Variants in NYAP2 observed in about 807,000 individuals in gnomAD.
NYAP2 encodes the protein neuronal tyrosine-phosphorylated phosphoinositide-3-kinase adaptor 2.
Under a neutral mutation model 50.4 loss-of-function variants are expected in NYAP2, and 23 were observed. That is an observed-to-expected ratio of 0.46 (90% CI 0.33 to 0.65). The LOEUF (loss-of-function observed/expected upper bound fraction) is 0.65. NYAP2 is among the 30% of genes least tolerant of loss of function. The probability of loss-of-function intolerance (pLI) is 0.02; values close to 1 mark genes in which losing one functional copy is unlikely to be tolerated. For synonymous variants in NYAP2, 394 were observed against 365.2 expected, an observed-to-expected ratio of 1.08 and a Z score of -0.90; for missense variants, 885 against 861.0, an observed-to-expected ratio of 1.03 and a Z score of -0.35.
At chr2:225,694,293 T>G in the NYAP2 span, among the ~76,000 whole-genome samples, 1,094 of 152,004 alleles carry the variant, frequency 7.2e-3, 14 homozygotes, top group African/African-American at 0.025. Context: ...GAATGGGATT[T>G]TACACATCTT....
chr2:225,484,622 T>A (rs1386967265), intron 3 of NYAP2, among the ~76,000 whole-genome samples: 2 of 152,220 alleles, frequency 1.3e-5, no homozygotes. Context: ...TGATGAGACA[T>A]CTTTTACTCT....
chr2:225,434,363 T>C (rs1163563598), intron 3 of NYAP2, among the ~76,000 whole-genome samples: 1 of 152,188 alleles, frequency 6.6e-6, no homozygotes, highest in Admixed American at 6.5e-5. Context: ...ATTTCTTTCA[T>C]AAAATTCTAG....
In NYAP2 at chr2:225,575,152, G is replaced by T. The variant is rs78951623; in HGVS notation, c.524-6789G>T. On this transcript the variant is annotated intron_variant, in intron 4 of 6. Transcript: ENST00000636099. ...GTACATTTCGTATATTCTGCATTACGACAGGCAACATCTTGCCAATTTTTC... is the reference window on the plus strand; with the variant it reads ...GTACATTTCGTATATTCTGCATTACTACAGGCAACATCTTGCCAATTTTTC... 7.3e-3 allele frequency among the ~76,000 whole-genome samples: 1,105 copies of T among 152,054 alleles called. 6 individuals carry two copies. The highest frequency in any genetic ancestry group is 0.012 in the Non-Finnish European group (791 of 68,006).
intron 5 of NYAP2, among the ~76,000 whole-genome samples, chr2:225,600,558 A>C (rs941209477): frequency 2.9e-4 from 44 of 152,190 alleles, no homozygotes; most frequent in Non-Finnish European, 5.9e-4. Flanking sequence ...CTCAGGAATG[A>C]ATAAGGACAG....
chr2:225,629,498 G>A (rs1376488345), intron 6 of NYAP2, among the ~76,000 whole-genome samples: 2 of 152,138 alleles, frequency 1.3e-5, no homozygotes, highest in Non-Finnish European at 2.9e-5. Flanking sequence ...GAATACTATG[G>A]GAAACAGAAG....
chr2:225,632,174 G>A (rs755026834), intron 6 of NYAP2, among the ~76,000 whole-genome samples: 11 of 152,166 alleles, frequency 7.2e-5, no homozygotes, highest in Non-Finnish European at 1.5e-4. Flanking sequence ...TCCAAAATAA[G>A]CAAGTAGGTA....
chr2:225,543,854 T>G (rs1260382724), intron 4 of NYAP2, among the ~76,000 whole-genome samples: 1 of 152,100 alleles, frequency 6.6e-6, no homozygotes, highest in East Asian at 1.9e-4. Flanking sequence ...GAATGTTGTG[T>G]GTTGAATTCT....
At chr2:225,525,033 T>C (rs549205820) in intron 4 of NYAP2, among the ~76,000 whole-genome samples, 84 of 152,224 alleles carry the variant, frequency 5.5e-4, no homozygotes, top group Middle Eastern at 3.4e-3. Context: ...AACCACAGTA[T>C]GATGTCATCT....
intron 4 of NYAP2, among the ~76,000 whole-genome samples, chr2:225,573,716 T>C (rs1202578881): frequency 6.6e-6 from 1 of 152,174 alleles, no homozygotes; most frequent in Non-Finnish European, 1.5e-5. Context: ...GAGCAATCTT[T>C]CTCCTCTGTG....
chr2:225,654,594 G>A (rs937576228), downstream of NYAP2, among the ~76,000 whole-genome samples: 1 of 152,090 alleles, frequency 6.6e-6, no homozygotes, highest in South Asian at 2.1e-4. Context: ...TGAGGCAGGA[G>A]GATCGCTTAA....
At chr2:225,532,865 C>T (rs1203300620) in intron 4 of NYAP2, among the ~76,000 whole-genome samples, 5 of 147,228 alleles carry the variant, frequency 3.4e-5, no homozygotes, top group African/African-American at 1.4e-4. Flanking sequence ...TCAGTGTTTG[C>T]AGTGATGCCC....
chr2:225,599,797 G>A (rs1692665336), intron 5 of NYAP2, among the ~76,000 whole-genome samples: 1 of 152,200 alleles, frequency 6.6e-6, no homozygotes, highest in Non-Finnish European at 1.5e-5. Flanking sequence ...TAAGATCTGT[G>A]TTACTGCTTC....
At chr2:225,599,384 T>C (rs567524772) in intron 5 of NYAP2, among the ~76,000 whole-genome samples, 1 of 152,298 alleles carries the variant, frequency 6.6e-6, no homozygotes, top group African/African-American at 2.4e-5. Context: ...GAACATATGT[T>C]GTATGGCAAA....
At chr2:225,537,020 C>T (rs1399696565) in intron 4 of NYAP2, among the ~76,000 whole-genome samples, 1 of 151,976 alleles carries the variant, frequency 6.6e-6, no homozygotes, top group African/African-American at 2.4e-5. Flanking sequence ...CCTTGTGATC[C>T]GCTCGCCTCG....
intron 5 of NYAP2, among the ~76,000 whole-genome samples, chr2:225,587,618 T>C (rs970884133): frequency 6.6e-6 from 1 of 152,126 alleles, no homozygotes; most frequent in Non-Finnish European, 1.5e-5. Context: ...GTAGCTCAAC[T>C]CCTAAATACC....
chr2:225,416,853 A>G (rs569272473), intron 3 of NYAP2, among the ~76,000 whole-genome samples: 15 of 152,206 alleles, frequency 9.9e-5, no homozygotes, highest in Non-Finnish European at 1.6e-4. Flanking sequence ...TGAGCTACTC[A>G]GTCAGCATGA....
At chr2:225,468,073 A>C (rs574708217) in intron 3 of NYAP2, among the ~76,000 whole-genome samples, 1 of 152,300 alleles carries the variant, frequency 6.6e-6, no homozygotes, top group South Asian at 2.1e-4. Context: ...ACTTTTAGGG[A>C]AATGTTTGGA....
At chr2:225,530,362 C>CA (rs1380518581) in intron 4 of NYAP2, among the ~76,000 whole-genome samples, 1 of 152,108 alleles carries the variant, frequency 6.6e-6, no homozygotes, top group Non-Finnish European at 1.5e-5. Context: ...CACCCTCATC[C>CA]AAAATCCACT....
At chr2:225,423,984 T>G (rs1368738159) in intron 3 of NYAP2, among the ~76,000 whole-genome samples, 1 of 152,164 alleles carries the variant, frequency 6.6e-6, no homozygotes, top group Non-Finnish European at 1.5e-5. Context: ...GCAGAGATAC[T>G]TTATTTCTCA....
Sources: gnomAD v4.1 joint callset for allele counts (sites outside exome capture counted in the v4.1 genomes callset) on GRCh38, gnomAD v4.1.1 for gene constraint, MANE v1.5 for transcripts, NCBI Gene and HGNC (gene_info 2026-07-23, HGNC 2026-07-21) for gene names.